The following GRK4 variants were observed in gnomAD, a reference collection of about 807,000 sequenced individuals.
The protein encoded by GRK4 is G protein-coupled receptor kinase 2-like.
In GRK4, 73 loss-of-function variants were observed where a neutral mutation model predicts 77.9. That is an observed-to-expected ratio of 0.94 (90% CI 0.78 to 1.14). The LOEUF (loss-of-function observed/expected upper bound fraction) is 1.14, where lower values mean the gene tolerates loss of function less well. Ranked by LOEUF, GRK4 falls within the 50% of genes most tolerant of loss-of-function variation. GRK4 has a pLI of 0.00. For missense variants in GRK4, 729 were observed against 700.2 expected, an observed-to-expected ratio of 1.04 and a Z score of -0.46; for synonymous variants, 257 against 254.4, an observed-to-expected ratio of 1.01 and a Z score of -0.10.
intron 8 of GRK4, 85 bp downstream of exon 8, chr4:3,013,913 C>A: frequency 7.2e-7 from 1 of 1,384,704 alleles, no homozygotes; most frequent in Non-Finnish European, 9.7e-7. Context: ...CTCACGCTCA[C>A]TGAAGCCGTG....
Position 2,988,793 on chromosome 4 carries a change from ATAC to A in GRK4, c.216_218del (p.Thr73del), listed in dbSNP as rs1725223570. Reference sequence around the variant, plus strand: ...AGACGTCTCTTCAGGCAGTTCTGTGATACCAAACCCACTCTAAAGAGGCACATT... The same window carrying A: ...AGACGTCTCTTCAGGCAGTTCTGTGACAAACCCACTCTAAAGAGGCACATT... On this transcript the variant is annotated inframe_deletion, in exon 3 of 16. Transcript: ENST00000398052. The A allele has an allele frequency of 6.2e-7, 1 of 1,613,062 alleles. No individual in the cohort carries two copies. Among genetic ancestry groups the A allele is most frequent in the Non-Finnish European group, 8.5e-7 (1 of 1,179,226 alleles).
intron 8 of GRK4, among the ~76,000 whole-genome samples, chr4:3,014,622 C>T (rs938188766): frequency 6.6e-6 from 1 of 151,860 alleles, no homozygotes; most frequent in Non-Finnish European, 1.5e-5. Context: ...GGTGAAATCC[C>T]GTCTCTACTA....
At chr4:2,985,206 A>C (rs1017781403) in intron 2 of GRK4, among the ~76,000 whole-genome samples, 23 of 151,542 alleles carry the variant, frequency 1.5e-4, no homozygotes, top group Admixed American at 4.6e-4. Flanking sequence ...AGGTCAGGAG[A>C]TCGAGACCAC....
chr4:3,001,305 A>G (rs898544206), intron 4 of GRK4, among the ~76,000 whole-genome samples: 1 of 145,996 alleles, frequency 6.8e-6, no homozygotes, highest in East Asian at 2.0e-4. Context: ...ATATATGTAT[A>G]TATGTGTGTG....
chr4:3,013,296 C>T (rs1733447104), intron 7 of GRK4, among the ~76,000 whole-genome samples: 1 of 152,040 alleles, frequency 6.6e-6, no homozygotes, highest in African/African-American at 2.4e-5. Flanking sequence ...AGGTGATCTG[C>T]CTGCCTTGGC....
intron 13 of GRK4, among the ~76,000 whole-genome samples, chr4:3,036,900 G>A (rs979500605): frequency 1.3e-5 from 2 of 152,168 alleles, no homozygotes; most frequent in East Asian, 1.9e-4. Flanking sequence ...GGATCCCACC[G>A]CTGGTGGCCT....
intron 1 of GRK4, among the ~76,000 whole-genome samples, chr4:2,976,475 C>G (rs1433305791): frequency 6.6e-6 from 1 of 151,802 alleles, no homozygotes; most frequent in Admixed American, 6.6e-5. Flanking sequence ...TTGCCCAATT[C>G]TAGCATTGCA....
intron 12 of GRK4, among the ~76,000 whole-genome samples, chr4:3,032,181 C>T (rs944195999): frequency 6.6e-6 from 1 of 152,098 alleles, no homozygotes; most frequent in African/African-American, 2.4e-5. Flanking sequence ...ACAGAAATGA[C>T]TGCAGTGAAA....
chr4:2,991,199 G>C (rs1726067373), intron 3 of GRK4, among the ~76,000 whole-genome samples: 1 of 152,130 alleles, frequency 6.6e-6, no homozygotes, highest in Non-Finnish European at 1.5e-5. Context: ...TCCAGTAATG[G>C]GCTGAAGCTG....
chr4:3,038,287 G>A, intron 14 of GRK4, 89 bp from the exon 15 acceptor site: 2 of 1,524,084 alleles, frequency 1.3e-6, no homozygotes, highest in East Asian at 4.5e-5. Context: ...CCCCGCACGG[G>A]GCTGGGCAGG....
intron 4 of GRK4, among the ~76,000 whole-genome samples, chr4:3,002,340 A>G (rs1730071141): frequency 6.6e-6 from 1 of 152,148 alleles, no homozygotes; most frequent in Non-Finnish European, 1.5e-5. Flanking sequence ...ACAGTGGCAC[A>G]TGCCTGTAAT....
chr4:2,998,083 C>T (rs1171100706), intron 4 of GRK4, among the ~76,000 whole-genome samples: 2 of 151,924 alleles, frequency 1.3e-5, no homozygotes, highest in Non-Finnish European at 2.9e-5. Flanking sequence ...ATTCACCAGG[C>T]GCAGTGGCTC....
intron 8 of GRK4, among the ~76,000 whole-genome samples, chr4:3,017,797 AG>A (rs1734962368): frequency 6.6e-6 from 1 of 152,248 alleles, no homozygotes; most frequent in African/African-American, 2.4e-5. Context: ...GCTAATGCCC[AG>A]TCATGCTTAA....
At chr4:3,018,061 T>TCTTTTC (rs1418021779) in intron 8 of GRK4, among the ~76,000 whole-genome samples, 1 of 151,122 alleles carries the variant, frequency 6.6e-6, no homozygotes, top group Non-Finnish European at 1.5e-5. Flanking sequence ...ATTTTCTTTT[T>TCTTTTC]CTTTTTCTTT....
chr4:2,970,568 G>C (rs539797371), intron 1 of GRK4, among the ~76,000 whole-genome samples: 1 of 151,086 alleles, frequency 6.6e-6, no homozygotes, highest in Admixed American at 6.6e-5. Context: ...TGAGGCGGGA[G>C]AATCACTTGA....
At chr4:2,992,334 TTA>T in intron 4 of GRK4, 42 bp downstream of exon 4, 1 of 1,262,144 alleles carries the variant, frequency 7.9e-7, no homozygotes, top group East Asian at 2.3e-5. Context: ...AGATAAATAA[TTA>T]GAGTGCATAG....
At chr4:3,027,703 C>T (rs377133569) in intron 10 of GRK4, among the ~76,000 whole-genome samples, 8 of 152,224 alleles carry the variant, frequency 5.3e-5, no homozygotes, top group Admixed American at 3.9e-4. Flanking sequence ...AGGCAAAAAT[C>T]GAATTTTCCT....
chr4:3,026,234 A>G (rs1205314578), intron 10 of GRK4, among the ~76,000 whole-genome samples: 5 of 152,166 alleles, frequency 3.3e-5, no homozygotes, highest in African/African-American at 1.2e-4. Context: ...AGTGCACGAG[A>G]GCACCTGTTT....
rs1490334962 is a variant in GRK4 at position 2,969,918 on chromosome 4, C to G, written c.52+5796C>G. On this transcript the variant is annotated intron_variant, in intron 1 of 15. Transcript: ENST00000398052. ...TCTGGAACCCCTGGACTCAAGTGAT[C>G]CTACCCTCCCACTTCAGCCTCCCAA... is the stretch of plus-strand genomic sequence containing the variant. Among the ~76,000 whole-genome samples the G allele has an allele frequency of 2.0e-5, 3 of 152,034 alleles. No individual in the cohort carries two copies. In the East Asian group the frequency reaches 5.8e-4, roughly 29 times the overall value.
Sources: gnomAD v4.1 joint callset for allele counts (sites outside exome capture counted in the v4.1 genomes callset) on GRCh38, gnomAD v4.1.1 for gene constraint, MANE v1.5 for transcripts, NCBI Gene and HGNC (gene_info 2026-07-23, HGNC 2026-07-21) for gene names.